Variants in LYPD6B observed in about 807,000 individuals in gnomAD.
LYPD6B encodes LY6/PLAUR domain containing 6B, also known as ly6/PLAUR domain-containing protein 6B.
LYPD6B carries 17 observed loss-of-function variants against 22.8 expected under a neutral mutation model. That is an observed-to-expected ratio of 0.75 (90% CI 0.51 to 1.12). The LOEUF is 1.12. LYPD6B is among the 50% of genes most tolerant of loss of function. The probability of loss-of-function intolerance (pLI) is 0.00; values close to 1 mark genes in which losing one functional copy is unlikely to be tolerated. For synonymous variants in LYPD6B, 106 were observed against 91.6 expected (o/e 1.16, Z -0.90); for missense variants, 221 against 258.3 (o/e 0.86, Z 0.99).
intron 1 of LYPD6B, among the ~76,000 whole-genome samples, chr2:149,065,424 G>T (rs918775297): frequency 6.6e-6 from 1 of 152,126 alleles, no homozygotes; most frequent in Non-Finnish European, 1.5e-5. Context: ...AATCACCAAG[G>T]GTTGATCAGA....
chr2:149,120,301 A>ATATATATATGTG (rs771869018), intron 1 of LYPD6B, among the ~76,000 whole-genome samples: 19 of 132,276 alleles, frequency 1.4e-4, no homozygotes, highest in Middle Eastern at 3.7e-3. Context: ...ATATACACAT[A>ATATATATATGTG]TATATATATG....
intron 3 of LYPD6B, among the ~76,000 whole-genome samples, chr2:149,183,347 C>A (rs1691870389): frequency 1.3e-5 from 2 of 152,170 alleles, no homozygotes; most frequent in African/African-American, 4.8e-5. Context: ...ATACTGCAAA[C>A]CTAAGCACTT....
At chr2:149,056,201 G>A (rs1558971275) in intron 1 of LYPD6B, among the ~76,000 whole-genome samples, 1 of 152,176 alleles carries the variant, frequency 6.6e-6, no homozygotes, top group African/African-American at 2.4e-5. Flanking sequence ...TCAATATTTT[G>A]AATAAAATTT....
intron 1 of LYPD6B, among the ~76,000 whole-genome samples, chr2:149,091,255 G>A (rs1436586249): frequency 6.6e-6 from 1 of 151,724 alleles, no homozygotes; most frequent in Admixed American, 6.6e-5. Context: ...TAAATGAAAT[G>A]AAGGACTTTA....
chr2:149,100,249 C>T (rs926038805), intron 1 of LYPD6B, among the ~76,000 whole-genome samples: 2 of 151,948 alleles, frequency 1.3e-5, no homozygotes, highest in African/African-American at 4.8e-5. Flanking sequence ...GTGTTCAAAG[C>T]AGTCACTCCT....
At chr2:149,073,354 C>T (rs925509928) in intron 1 of LYPD6B, among the ~76,000 whole-genome samples, 1 of 152,196 alleles carries the variant, frequency 6.6e-6, no homozygotes, top group Non-Finnish European at 1.5e-5. Context: ...TGAGAGAAGG[C>T]ATGTGCCCTG....
In LYPD6B at chr2:149,056,196, A is replaced by C. The variant is rs78091621; in HGVS notation, c.-67+17395A>C. Among the ~76,000 whole-genome samples the C allele has an allele frequency of 5.0e-3, 758 of 152,330 alleles. 22 individuals carry two copies. Among genetic ancestry groups the C allele is most frequent in the Admixed American group, 0.04 (605 of 15,302 alleles). ...ATTATCCAATATGTAAGTATTCAATATTTTGAATAAAATTTAAGTACTAGC... is the reference window on the plus strand; with the variant it reads ...ATTATCCAATATGTAAGTATTCAATCTTTTGAATAAAATTTAAGTACTAGC... On this transcript the variant is annotated intron_variant, in intron 1 of 6. Coordinates refer to ENST00000409642, the MANE Select transcript of LYPD6B (RefSeq NM_177964.5).
At chr2:149,090,227 T>C (rs12692721) in intron 1 of LYPD6B, among the ~76,000 whole-genome samples, 91,671 of 152,110 alleles carry the variant, frequency 0.6, 27,914 homozygotes, top group Admixed American at 0.67. Flanking sequence ...TGTGAATTCA[T>C]CTTTTGAAGG....
At position 149,171,112 on chromosome 2, in the gene LYPD6B, G is replaced by C. The variant is rs1690785065; in HGVS notation, c.77+10277G>C. On this transcript the variant is annotated intron_variant, in intron 3 of 6. Coordinates refer to ENST00000409642, the MANE Select transcript of LYPD6B (RefSeq NM_177964.5). ...TAGGACCTGGTTGCAGGTGGGAGCA[G>C]CCACTCTGGGACTCTCAGATAAGGC... Among the ~76,000 whole-genome samples the C allele has an allele frequency of 1.3e-5, 2 of 152,200 alleles. 1 individual carries two copies. Among genetic ancestry groups the C allele is most frequent in the Non-Finnish European group, 2.9e-5 (2 of 68,030 alleles).
chr2:149,164,985 T>C (rs2105901603), intron 3 of LYPD6B, among the ~76,000 whole-genome samples: 1 of 152,260 alleles, frequency 6.6e-6, no homozygotes, highest in Middle Eastern at 3.4e-3. Flanking sequence ...TTTGGGCACT[T>C]TTGCTAATAT....
intron 1 of LYPD6B, among the ~76,000 whole-genome samples, chr2:149,096,721 A>C (rs1397328805): frequency 6.6e-6 from 1 of 152,040 alleles, no homozygotes; most frequent in Non-Finnish European, 1.5e-5. Context: ...TCTTTTTCCT[A>C]AGCTTACTTT....
intron 1 of LYPD6B, chr2:149,101,537 G>C (rs959594836): frequency 6.6e-6 from 1 of 152,316 alleles, no homozygotes. Context: ...CACCAGCCAA[G>C]AGCTGAAGGG....
At chr2:149,087,544 C>G (rs1408126267) in intron 1 of LYPD6B, among the ~76,000 whole-genome samples, 1 of 151,972 alleles carries the variant, frequency 6.6e-6, no homozygotes, top group East Asian at 1.9e-4. Flanking sequence ...CTAGCCTGGG[C>G]AACAGAGTGT....
chr2:149,209,206 A>G (rs1693689105), intron 5 of LYPD6B, among the ~76,000 whole-genome samples: 1 of 152,136 alleles, frequency 6.6e-6, no homozygotes, highest in Admixed American at 6.5e-5. Flanking sequence ...GTTTTAAGCT[A>G]GGGAATACAT....
At chr2:149,178,984 T>A (rs1282825161) in intron 3 of LYPD6B, among the ~76,000 whole-genome samples, 1 of 152,236 alleles carries the variant, frequency 6.6e-6, no homozygotes, top group African/African-American at 2.4e-5. Context: ...AGATTACTTA[T>A]TTTTCCTTCA....
intron 1 of LYPD6B, among the ~76,000 whole-genome samples, chr2:149,055,082 G>A (rs971965749): frequency 1.3e-5 from 2 of 152,090 alleles, no homozygotes; most frequent in African/African-American, 2.4e-5. Flanking sequence ...GTATGAGTTA[G>A]GAGTCCACAT....
intron 1 of LYPD6B, among the ~76,000 whole-genome samples, chr2:149,113,812 G>T (rs1453930525): frequency 6.6e-6 from 1 of 152,164 alleles, no homozygotes; most frequent in Non-Finnish European, 1.5e-5. Flanking sequence ...ACTGAGTTCA[G>T]TTGGCTTCCT....
intron 1 of LYPD6B, among the ~76,000 whole-genome samples, chr2:149,115,462 G>T (rs1212456280): frequency 1.3e-5 from 2 of 152,152 alleles, no homozygotes; most frequent in African/African-American, 4.8e-5. Flanking sequence ...TTATCTTAAT[G>T]GGAAGATTCC....
chr2:149,083,399 C>T lies in LYPD6B; in HGVS notation c.-67+44598C>T, dbSNP rs1474932683. ...TCTAGCACATTTTCGAATTTCCCTGCTTATTTGAAAACATCTTATAGCTTT... is the reference window on the plus strand; with the variant it reads ...TCTAGCACATTTTCGAATTTCCCTGTTTATTTGAAAACATCTTATAGCTTT... On this transcript the variant is annotated intron_variant, in intron 1 of 6. Transcript: ENST00000409642. Among the ~76,000 whole-genome samples, 3 of 152,206 alleles carry T rather than the reference C, an allele frequency of 2.0e-5. No individual in the cohort carries two copies. In the East Asian group the frequency reaches 5.8e-4, roughly 29 times the overall value.
Sources: allele counts gnomAD v4.1 joint callset (sites outside exome capture counted in the v4.1 genomes callset), GRCh38; gene constraint gnomAD v4.1.1; transcripts MANE v1.5; gene names NCBI Gene and HGNC (gene_info 2026-07-23, HGNC 2026-07-21).